TNXB: variants seen among roughly 807,000 people sequenced by gnomAD.
TNXB encodes tenascin-X.
A neutral mutation model predicts 340.5 loss-of-function variants in TNXB; 183 were observed. The observed-to-expected ratio is 0.54, with a 90% CI of 0.48 to 0.61. The LOEUF (loss-of-function observed/expected upper bound fraction) is 0.61. Among genes scored for constraint, TNXB ranks in the 20% least tolerant of loss-of-function variants. The pLI, the probability that TNXB is intolerant of heterozygous loss-of-function variation, is 0.00. For synonymous variants in TNXB, 2,121 were observed against 2,314.5 expected, an observed-to-expected ratio of 0.92 and a Z score of 2.40; for missense variants, 4,613 against 5,446.4, an observed-to-expected ratio of 0.85 and a Z score of 4.82.
Position 32,048,012 on chromosome 6 carries a change from G to C in TNXB, c.10046C>G (p.Ala3349Gly). 6.2e-7 allele frequency: 1 copy of C among 1,607,354 alleles called. No individual in the cohort carries two copies. The highest frequency in any genetic ancestry group is 8.5e-7 in the Non-Finnish European group (1 of 1,176,728). ...GCGGGGAGACGGTTTGGTGTCTGGGGCTGGAAAAGACAGTGAGGTGCATGG... is the reference window on the plus strand; with the variant it reads ...GCGGGGAGACGGTTTGGTGTCTGGGCCTGGAAAAGACAGTGAGGTGCATGG... ...HGPVPVEART[A>G]PDTKPSPRLG... The change falls in exon 30 of 44, where the codon GCC becomes GGC. Residue 3349 changes from alanine (A) to glycine (G), a missense_variant and splice_region_variant. Physicochemically the swap from Ala to Gly is moderately conservative, Grantham distance 60 (BLOSUM62 0). This residue lies in a region of TNXB where 4,327 missense variants were observed against 4,859.4 expected (regional missense o/e 0.89). Coordinates refer to ENST00000644971, the MANE Select transcript of TNXB (RefSeq NM_001365276.2).
intron 1 of TNXB, among the ~76,000 whole-genome samples, chr6:32,104,417 C>T (rs189409999): frequency 4.6e-5 from 7 of 152,276 alleles, no homozygotes; most frequent in African/African-American, 1.7e-4. Flanking sequence ...CCCATCCCCT[C>T]CCAGAATTCC....
intron 1 of TNXB, among the ~76,000 whole-genome samples, chr6:32,098,573 C>A (rs1208975153): frequency 6.6e-6 from 1 of 152,024 alleles, no homozygotes; most frequent in Non-Finnish European, 1.5e-5. Flanking sequence ...CTCCGCCTCC[C>A]AGGTCCAAGC....
rs752073445 is a variant in TNXB at position 32,096,967 on chromosome 6, C to G, written c.886G>C (p.Val296Leu). 1 of 1,605,900 alleles carries G rather than the reference C, an allele frequency of 6.2e-7. No homozygotes were observed. Among genetic ancestry groups the G allele is most frequent in the East Asian group, 2.2e-5 (1 of 44,864 alleles). ...TCGCCAGTGTAGCCGGGGTTACACA[C>G]GCAGCGCCCATTCTCACAGCGCCCC... ...QRGRCENGRC[V>L]CNPGYTGEDC... is the part of the protein sequence containing the mutation. Residue 296 changes from valine (V) to leucine (L), a missense_variant, in exon 3 of 44, where the codon GTG (valine) becomes CTG (leucine). Physicochemically the swap from Val to Leu is conservative, Grantham distance 32 (BLOSUM62 1). Transcript: ENST00000644971.
Position 32,052,746 on chromosome 6 carries a change from C to T in TNXB, c.9039G>A (p.Gly3013=), listed in dbSNP as rs1777361312. Residue 3013 remains glycine, a synonymous_variant, in exon 26 of 44, where the codon GGG becomes GGA. Coordinates refer to ENST00000644971, the MANE Select transcript of TNXB (RefSeq NM_001365276.2). This position sits in a 1 kb window ranked among gnomAD's most constrained non-coding sequence, Gnocchi z 4.7. ...CGTACAGGTGCATCTTGTATTTGCACCCGGGCTCCAGGCCCCCCACGGTGA... is the reference window on the plus strand; with the variant it reads ...CGTACAGGTGCATCTTGTATTTGCATCCGGGCTCCAGGCCCCCCACGGTGA... The part of the protein sequence containing the change: ...SEVTVGGLEP[G]CKYKMHLYGL... The T allele has an allele frequency of 6.2e-7, 1 of 1,613,742 alleles. No individual in the cohort carries two copies. The highest frequency in any genetic ancestry group is 1.1e-5 in the South Asian group (1 of 91,076).
In TNXB at chr6:32,096,360, G is replaced by A. The variant is rs1478895311; in HGVS notation, c.1493C>T (p.Pro498Leu). 2 of 1,554,736 alleles carry A rather than the reference G, an allele frequency of 1.3e-6. No individual in the cohort carries two copies. The highest frequency in any genetic ancestry group is 1.4e-5 in the African/African-American group (1 of 73,512). The change falls in exon 3 of 44, where the codon CCT becomes CTT. Residue 498 changes from proline (P) to leucine (L), a missense_variant. Physicochemically the swap from Pro to Leu is moderately conservative, Grantham distance 98 (BLOSUM62 -3). This residue lies in a region of TNXB where 4,327 missense variants were observed against 4,859.4 expected (regional missense o/e 0.89). Transcript: ENST00000644971. The stretch of plus-strand genomic sequence containing the variant: ...GCGCCCGCGCCCGCGACAGTCGCCA[G>A]GACAGGCGCGCGTGCCGCAGTCCCG... ...TGRDCGTRAC[P>L]GDCRGRGRCV...
chr6:32,089,495 C>T lies in TNXB; in HGVS notation c.2359-116G>A. On this transcript the variant is annotated intron_variant, in intron 4 of 43. Coordinates refer to ENST00000644971, the MANE Select transcript of TNXB (RefSeq NM_001365276.2). This position sits in a 1 kb window ranked among gnomAD's most constrained non-coding sequence, Gnocchi z 6.2. The stretch of plus-strand genomic sequence containing the variant: ...AGTGTCAGCATGGTACTGTGTGGAA[C>T]TTGACCCTGTACAAGCTGGGGAGCA... 7.5e-7 allele frequency: 1 copy of T among 1,341,020 alleles called. No homozygotes were observed. The highest frequency in any genetic ancestry group is 1.0e-6 in the Non-Finnish European group (1 of 1,004,240). 83.1% of individuals were successfully genotyped at this position (1,341,020 alleles called of 1,614,324 possible). A position where few individuals can be genotyped will look rare whatever the true frequency, so the allele number is the denominator to read the frequency against.
rs4711283 is a variant in TNXB at position 32,043,540 on chromosome 6, T to C, written c.11547A>G (p.Thr3849=). 0.067 allele frequency: 63,065 copies of C among 947,902 alleles called. 3,284 individuals are homozygous for C. The highest frequency in any genetic ancestry group is 0.2 in the East Asian group (8,102 of 40,238). The allele number at this position is 947,902 out of a possible 1,614,324, so 58.7% of individuals were successfully genotyped here. Reference sequence around the variant, plus strand: ...CGGTCAAGTTCAGTGCACGCAACTGTGTGGGACCGTCAGGAACTGGGGGAA... The same window carrying C: ...CGGTCAAGTTCAGTGCACGCAACTGCGTGGGACCGTCAGGAACTGGGGGAA... The part of the protein sequence containing the change: ...GFLTTVPDGP[T]QLRALNLTEG... Residue 3849 remains threonine, a synonymous_variant, in exon 36 of 44, where the codon ACA becomes ACG. Coordinates refer to ENST00000644971, the MANE Select transcript of TNXB (RefSeq NM_001365276.2).
intron 31 of TNXB, chr6:32,045,843 G>C: frequency 8.9e-7 from 1 of 1,129,528 alleles, no homozygotes; most frequent in East Asian, 4.5e-5. Context: ...CGGCAGGGAG[G>C]TTTGCCGCTA....
chr6:32,058,075 G>A lies in TNXB; in HGVS notation c.7808C>T (p.Ser2603Phe). The change falls in exon 22 of 44, where the codon TCT becomes TTT. Residue 2603 changes from serine to phenylalanine, a missense_variant. Transcript: ENST00000644971. This position sits in a 1 kb window ranked among gnomAD's most constrained non-coding sequence, Gnocchi z 5.1. ...TCACTCACCTGTGACGCCCACGGCA[G>A]ACACCGGGCCCAGGCGCCGCCCCTC... ...LHEGRRLGPV[S>F]AVGVTEDEAE... 1 of 1,609,540 alleles carries A rather than the reference G, an allele frequency of 6.2e-7. No homozygotes were observed. The highest frequency in any genetic ancestry group is 8.5e-7 in the Non-Finnish European group (1 of 1,177,748).
chr6:32,052,609 G>C lies in TNXB; in HGVS notation c.9115+61C>G. 1 of 1,579,736 alleles carries C rather than the reference G, an allele frequency of 6.3e-7. No homozygotes were observed. Among genetic ancestry groups the C allele is most frequent in the Non-Finnish European group, 8.7e-7 (1 of 1,155,000 alleles). On this transcript the variant is annotated intron_variant, in intron 26 of 43. Transcript: ENST00000644971. This position sits in a 1 kb window ranked among gnomAD's most constrained non-coding sequence, Gnocchi z 4.7. ...TCAGAGTATGTTTTCACGAAGACTGGAGAGACAGCAGTGTCTTCCAGGGCC... is the reference window on the plus strand; with the variant it reads ...TCAGAGTATGTTTTCACGAAGACTGCAGAGACAGCAGTGTCTTCCAGGGCC...
Position 32,058,338 on chromosome 6 carries a change from C to T in TNXB, c.7545G>A (p.Glu2515=). ...ETPSPTEPGT[E]APGPPEEPLL... ...GAGGCTCCTCGGGGGGCCCTGGGGC[C>T]TCTGTGCCTGGTTCTGTAGGGCTGG... The change falls in exon 22 of 44, where the codon GAG becomes GAA. Residue 2515 remains glutamate, a synonymous_variant. Transcript: ENST00000644971. This position sits in a 1 kb window ranked among gnomAD's most constrained non-coding sequence, Gnocchi z 5.1. 2 of 1,611,814 alleles carry T rather than the reference C, an allele frequency of 1.2e-6. No individual in the cohort carries two copies. Among genetic ancestry groups the T allele is most frequent in the Non-Finnish European group, 1.7e-6 (2 of 1,179,708 alleles).
In TNXB at chr6:32,079,448, C is replaced by G. The variant is rs1051665959; in HGVS notation, c.4043-83G>C. On this transcript the variant is annotated intron_variant, in intron 10 of 43. Coordinates refer to ENST00000644971, the MANE Select transcript of TNXB (RefSeq NM_001365276.2). The surrounding 1 kb of genome is among the most constrained non-coding windows in gnomAD (Gnocchi z 7.1). ...TGACAGCCATGGAAATGCCCTTACG[C>G]TGTGGGCTCAGGGGCTCTGTAGCCT... is the stretch of plus-strand genomic sequence containing the variant. 9.3e-6 allele frequency: 11 copies of G among 1,181,368 alleles called. No individual in the cohort carries two copies. The highest frequency in any genetic ancestry group is 2.7e-5 in the Admixed American group (1 of 37,492). 73.2% of individuals were successfully genotyped at this position (1,181,368 alleles called of 1,614,324 possible).
At chr6:32,041,983 A>C (rs1582318627) in intron 42 of TNXB, 29 bp downstream of exon 42, 1 of 550,866 alleles carries the variant, frequency 1.8e-6, no homozygotes, top group Non-Finnish European at 3.1e-6. Flanking sequence ...TCCCAGCCTC[A>C]CCCTCCCAGC....
intron 1 of TNXB, among the ~76,000 whole-genome samples, chr6:32,098,764 G>C (rs1228126398): frequency 6.8e-6 from 1 of 146,448 alleles, no homozygotes; most frequent in Non-Finnish European, 1.5e-5. Flanking sequence ...ACAGGCATGA[G>C]CCACCGCACC....
At position 32,068,657 on chromosome 6, in the gene TNXB, G is replaced by A; in HGVS notation, c.5953C>T (p.Pro1985Ser). ...SEPPTATPEP[P>S]IKPRLGELTV... Reference sequence around the variant, plus strand: ...AGCTCCCCCAGGCGAGGCTTGATGGGGGGCTCGGGGGTTGCGGTGGGAGGT... The same window carrying A: ...AGCTCCCCCAGGCGAGGCTTGATGGAGGGCTCGGGGGTTGCGGTGGGAGGT... The change falls in exon 17 of 44, where the codon CCC (proline) becomes TCC (serine). Residue 1985 changes from proline (P) to serine (S), a missense_variant. By Grantham distance (74) the Pro-to-Ser change is moderately conservative (BLOSUM62 -1). Around this residue, in one of 7 missense-constraint regions of TNXB, gnomAD observed 4,327 missense variants for 4,859.4 expected, o/e 0.89. Transcript: ENST00000644971. This position sits in a 1 kb window ranked among gnomAD's most constrained non-coding sequence, Gnocchi z 5.3. 3.1e-6 allele frequency: 5 copies of A among 1,613,942 alleles called. No individual in the cohort carries two copies. The highest frequency in any genetic ancestry group is 4.2e-6 in the Non-Finnish European group (5 of 1,179,884).
intron 1 of TNXB, among the ~76,000 whole-genome samples, chr6:32,100,995 C>G (rs1234013059): frequency 7.3e-6 from 1 of 136,290 alleles, no homozygotes; most frequent in Non-Finnish European, 1.5e-5. Flanking sequence ...AGGAGAATCG[C>G]TTGAAACTGG....
rs551303569 is a variant in TNXB at position 32,075,310 on chromosome 6, C to T, written c.4376-1358G>A. ...CAAGTCCTGCACTGGCCTCTGAGGT[C>T]CCATATTCATCTCTTAGATCATTCC... On this transcript the variant is annotated intron_variant, in intron 11 of 43. Coordinates refer to ENST00000644971, the MANE Select transcript of TNXB (RefSeq NM_001365276.2). The surrounding 1 kb of genome is among the most constrained non-coding windows in gnomAD (Gnocchi z 4.6). Among the ~76,000 whole-genome samples, 1 of 152,334 alleles carries T rather than the reference C, an allele frequency of 6.6e-6. No individual in the cohort carries two copies. The highest frequency in any genetic ancestry group is 2.1e-4 in the South Asian group (1 of 4,826).
In TNXB at chr6:32,069,862, C is replaced by T; in HGVS notation, c.5279-1G>A. ...GTATCATCCATAGCACTCCGGGCTT[C>T]TGAGATGGAGACACGGAGAGGAAAC... On this transcript the variant is annotated splice_acceptor_variant, in intron 14 of 43. Coordinates refer to ENST00000644971, the MANE Select transcript of TNXB (RefSeq NM_001365276.2). LOFTEE classifies it high-confidence loss of function. This position sits in a 1 kb window ranked among gnomAD's most constrained non-coding sequence, Gnocchi z 6.2. The T allele has an allele frequency of 5.7e-6, 9 of 1,583,608 alleles. No homozygotes were observed. Among genetic ancestry groups the T allele is most frequent in the Non-Finnish European group, 7.7e-6 (9 of 1,162,134 alleles).
intron 1 of TNXB, among the ~76,000 whole-genome samples, chr6:32,104,717 A>G (rs1323523596): frequency 1.3e-5 from 2 of 151,758 alleles, no homozygotes; most frequent in Non-Finnish European, 2.9e-5. Context: ...TCGCTGCAGC[A>G]TTGACCTCCT....
Sources: allele counts gnomAD v4.1 joint callset (sites outside exome capture counted in the v4.1 genomes callset), GRCh38; gene constraint gnomAD v4.1.1; regional missense constraint gnomAD v4.1.1; non-coding constraint Gnocchi (gnomAD v3.1); transcripts MANE v1.5; gene names NCBI Gene and HGNC (gene_info 2026-07-23, HGNC 2026-07-21).